Variants in NCAM1 observed in about 807,000 individuals in gnomAD.
NCAM1 encodes the protein antigen recognized by monoclonal antibody 5.1H11.
A neutral mutation model predicts 109.8 loss-of-function variants in NCAM1; 14 were observed. The observed-to-expected ratio is 0.13, with a 90% CI of 0.08 to 0.20. NCAM1 has a LOEUF of 0.20. NCAM1 is among the 10% of genes least tolerant of loss of function. NCAM1 has a pLI of 1.00. For synonymous variants in NCAM1, 418 were observed against 442.9 expected (o/e 0.94, Z 0.70); for missense variants, 774 against 1,109.9 (o/e 0.70, Z 4.30).
At chr11:113,072,038 A>G (rs1354469680) in intron 1 of NCAM1, among the ~76,000 whole-genome samples, 8 of 152,260 alleles carry the variant, frequency 5.3e-5, no homozygotes, top group African/African-American at 1.9e-4. Context: ...CCAGCTACTC[A>G]GGAGGCTGAG....
intron 1 of NCAM1, among the ~76,000 whole-genome samples, chr11:113,051,076 C>A (rs1319828729): frequency 1.3e-5 from 2 of 152,130 alleles, no homozygotes; most frequent in Non-Finnish European, 1.5e-5. Flanking sequence ...TCCTTTTGAA[C>A]CCCTGAACCA....
chr11:113,107,114 T>G (rs1477278068), intron 1 of NCAM1, among the ~76,000 whole-genome samples: 1 of 152,224 alleles, frequency 6.6e-6, no homozygotes, highest in East Asian at 1.9e-4. Flanking sequence ...CTTCAACCAT[T>G]TAAGCTCAGA....
intron 1 of NCAM1, among the ~76,000 whole-genome samples, chr11:113,083,961 A>T (rs1938965134): frequency 6.6e-6 from 1 of 152,216 alleles, no homozygotes; most frequent in Admixed American, 6.5e-5. Flanking sequence ...TTTTAATAGA[A>T]ATGAGAAGAA....
chr11:112,977,348 A>G (rs886271185), intron 1 of NCAM1: 1 of 151,786 alleles, frequency 6.6e-6, no homozygotes, highest in Admixed American at 6.6e-5. Flanking sequence ...TTAAAATGCA[A>G]TTTCTAGTAT....
At position 113,271,722 on chromosome 11, in the gene NCAM1, G is replaced by T. The variant is rs201505354; in HGVS notation, c.2340-38G>T. On this transcript the variant is annotated intron_variant, in intron 18 of 19. Coordinates refer to ENST00000316851, the MANE Select transcript of NCAM1 (RefSeq NM_181351.5). The stretch of plus-strand genomic sequence containing the variant: ...TCTTCCGTGGGAGCCCCTCCCTGCA[G>T]CTGCCCTAGGGTCTAACCAGCAGTA... 38 of 1,495,372 alleles carry T rather than the reference G, an allele frequency of 2.5e-5. No individual in the cohort carries two copies. The Middle Eastern group carries it at 1.7e-3, about 68-fold the overall frequency. The allele number at this position is 1,495,372 out of a possible 1,614,324, so 92.6% of individuals were successfully genotyped here. A position where few individuals can be genotyped will look rare whatever the true frequency, so the allele number is the denominator to read the frequency against.
At chr11:112,986,537 C>A (rs1951310547) in intron 1 of NCAM1, among the ~76,000 whole-genome samples, 1 of 152,018 alleles carries the variant, frequency 6.6e-6, no homozygotes, top group South Asian at 2.1e-4. Flanking sequence ...AGCCATCAGG[C>A]CCTGGGCTTT....
intron 1 of NCAM1, among the ~76,000 whole-genome samples, chr11:113,098,587 A>G (rs782339667): frequency 5.9e-5 from 9 of 152,202 alleles, no homozygotes; most frequent in African/African-American, 9.6e-5. Flanking sequence ...GGAAGAAACT[A>G]CAACAGGATA....
intron 1 of NCAM1, among the ~76,000 whole-genome samples, chr11:113,062,911 T>A (rs571110547): frequency 6.6e-6 from 1 of 152,192 alleles, no homozygotes; most frequent in South Asian, 2.1e-4. Context: ...GAGGCTGCAG[T>A]GAGCCATGAT....
chr11:112,992,040 G>C (rs904554923), intron 1 of NCAM1, among the ~76,000 whole-genome samples: 2 of 152,070 alleles, frequency 1.3e-5, no homozygotes, highest in African/African-American at 4.8e-5. Flanking sequence ...AATATCTCTT[G>C]AGAGGAACAG....
intron 15 of NCAM1, among the ~76,000 whole-genome samples, chr11:113,252,064 G>T (rs1255703110): frequency 1.3e-5 from 2 of 152,138 alleles, no homozygotes; most frequent in Non-Finnish European, 2.9e-5. Context: ...AAGTTACAGA[G>T]CCACCAAGTC....
chr11:113,102,639 T>C (rs1254758930), intron 1 of NCAM1, among the ~76,000 whole-genome samples: 2 of 152,196 alleles, frequency 1.3e-5, no homozygotes, highest in East Asian at 3.8e-4. Flanking sequence ...GTATTTAATA[T>C]TTACTTACTT....
At position 113,158,559 on chromosome 11, in the gene NCAM1, G is replaced by C. The variant is rs115712648; in HGVS notation, c.53-43820G>C. Among the ~76,000 whole-genome samples, 312 of 152,216 alleles carry C rather than the reference G, an allele frequency of 2.0e-3. 2 individuals carry two copies. Among genetic ancestry groups the C allele is most frequent in the African/African-American group, 7.2e-3 (298 of 41,536 alleles). ...CACCTTTCTCTTCTTCTCTCCCCTT[G>C]TCCCTCCATCTTTGTTGCTCCTGTA... On this transcript the variant is annotated intron_variant, in intron 1 of 19. Coordinates refer to ENST00000316851, the MANE Select transcript of NCAM1 (RefSeq NM_181351.5).
intron 1 of NCAM1, among the ~76,000 whole-genome samples, chr11:113,078,706 A>G (rs1555086591): frequency 6.6e-6 from 1 of 152,076 alleles, no homozygotes; most frequent in East Asian, 1.9e-4. Flanking sequence ...TGGCTGTTCT[A>G]TAGCTCCTTT....
At chr11:113,063,986 A>G (rs1226043911) in intron 1 of NCAM1, among the ~76,000 whole-genome samples, 2 of 152,240 alleles carry the variant, frequency 1.3e-5, no homozygotes, top group Non-Finnish European at 2.9e-5. Context: ...AAATGTAGTC[A>G]TATTTCTTGC....
intron 7 of NCAM1, among the ~76,000 whole-genome samples, chr11:113,210,028 A>G (rs1382701375): frequency 1.3e-5 from 2 of 152,206 alleles, no homozygotes; most frequent in Non-Finnish European, 2.9e-5. Flanking sequence ...TTACTCACAG[A>G]TAGATCCCCA....
chr11:113,031,985 C>T (rs1011267834), intron 1 of NCAM1, among the ~76,000 whole-genome samples: 3 of 152,058 alleles, frequency 2.0e-5, no homozygotes, highest in African/African-American at 7.2e-5. Context: ...CTCTGTTGCC[C>T]AGGCTGGAGT....
At chr11:113,207,741 G>A (rs1555113099) in intron 6 of NCAM1, 92 bp from the exon 7 acceptor site, 9 of 1,357,188 alleles carry the variant, frequency 6.6e-6, no homozygotes, top group Non-Finnish European at 8.1e-6. Context: ...CTTTCCCATT[G>A]ACTCAGTCTG....
intron 1 of NCAM1, chr11:113,134,036 C>T (rs1941508965): frequency 1.3e-5 from 2 of 151,270 alleles, no homozygotes; most frequent in African/African-American, 4.9e-5. Flanking sequence ...TTTAAGTATA[C>T]CCTTCAGTAG....
intron 1 of NCAM1, among the ~76,000 whole-genome samples, chr11:113,024,603 A>G (rs1212655778): frequency 9.9e-5 from 15 of 152,172 alleles, no homozygotes; most frequent in Admixed American, 3.9e-4. Context: ...TGCAAAAGTA[A>G]CATAAGAATA....
Sources: allele counts gnomAD v4.1 joint callset (sites outside exome capture counted in the v4.1 genomes callset), GRCh38; gene constraint gnomAD v4.1.1; transcripts MANE v1.5; gene names NCBI Gene and HGNC (gene_info 2026-07-23, HGNC 2026-07-21).